JMJD1C: variants seen among roughly 807,000 people sequenced by gnomAD.
JMJD1C encodes jumonji domain containing 1C.
Under a neutral mutation model 245.3 loss-of-function variants are expected in JMJD1C, and 31 were observed. That is an observed-to-expected ratio of 0.13 (90% CI 0.09 to 0.17). The LOEUF (loss-of-function observed/expected upper bound fraction) is 0.17. Among genes scored for constraint, JMJD1C ranks in the 10% least tolerant of loss-of-function variants. The pLI, the probability that JMJD1C is intolerant of heterozygous loss-of-function variation, is 1.00. For missense variants in JMJD1C, 2,691 were observed against 3,000.2 expected (o/e 0.90, Z 2.41); for synonymous variants, 1,057 against 1,017.4 (o/e 1.04, Z -0.74).
intron 1 of JMJD1C, among the ~76,000 whole-genome samples, chr10:63,410,539 A>G (rs1237255313): frequency 6.6e-6 from 1 of 152,202 alleles, no homozygotes; most frequent in Non-Finnish European, 1.5e-5. Flanking sequence ...ATAAGAATCC[A>G]GAGACATAAT....
chr10:63,385,429 T>A (rs1027624504), intron 1 of JMJD1C, among the ~76,000 whole-genome samples: 1 of 137,310 alleles, frequency 7.3e-6, no homozygotes, highest in Non-Finnish European at 1.6e-5. Flanking sequence ...TTTTTTTTTT[T>A]TTTTTTTTTT....
At chr10:63,403,081 G>A (rs759210943) in intron 1 of JMJD1C, among the ~76,000 whole-genome samples, 36 of 152,110 alleles carry the variant, frequency 2.4e-4, no homozygotes, top group Non-Finnish European at 4.1e-4. Flanking sequence ...AAACTGAGAC[G>A]GACAGACCAC....
At chr10:63,371,541 C>T (rs943762854) in intron 2 of JMJD1C, among the ~76,000 whole-genome samples, 1 of 152,136 alleles carries the variant, frequency 6.6e-6, no homozygotes, top group Non-Finnish European at 1.5e-5. Context: ...CAGCTCCCAC[C>T]ACAGTGTCTA....
chr10:63,329,630 TCTGA>T, intron 2 of JMJD1C, among the ~76,000 whole-genome samples: 1 of 152,200 alleles, frequency 6.6e-6, no homozygotes, highest in South Asian at 2.1e-4. Context: ...ACAAATGGTC[TCTGA>T]CTTAGAATGG....
At chr10:63,251,855 T>C (rs1201269381) in intron 3 of JMJD1C, among the ~76,000 whole-genome samples, 1 of 152,086 alleles carries the variant, frequency 6.6e-6, no homozygotes, top group African/African-American at 2.4e-5. Flanking sequence ...CTACTAAAAA[T>C]ACAAAAATTA....
intron 1 of JMJD1C, among the ~76,000 whole-genome samples, chr10:63,504,914 G>T (rs370380955): frequency 6.6e-6 from 1 of 151,774 alleles, no homozygotes; most frequent in African/African-American, 2.4e-5. Context: ...CCAGCTACTC[G>T]GGAGGCTGAG....
At chr10:63,228,200 A>G (rs1849537089) in intron 3 of JMJD1C, among the ~76,000 whole-genome samples, 1 of 152,234 alleles carries the variant, frequency 6.6e-6, no homozygotes, top group East Asian at 1.9e-4. Context: ...GTTACAGCAG[A>G]AAAGTAGCTA....
At chr10:63,233,686 G>A (rs1850284831) in intron 3 of JMJD1C, among the ~76,000 whole-genome samples, 1 of 150,018 alleles carries the variant, frequency 6.7e-6, no homozygotes, top group Non-Finnish European at 1.5e-5. Flanking sequence ...TTTCCAACTA[G>A]AAAGATTTTA....
intron 1 of JMJD1C, among the ~76,000 whole-genome samples, chr10:63,448,016 A>C (rs1951815702): frequency 6.6e-6 from 1 of 152,148 alleles, no homozygotes; most frequent in African/African-American, 2.4e-5. Context: ...GTGAAAACCA[A>C]GGTTATTGCT....
intron 2 of JMJD1C, among the ~76,000 whole-genome samples, chr10:63,284,296 G>T (rs1044918359): frequency 6.6e-6 from 1 of 152,170 alleles, no homozygotes; most frequent in African/African-American, 2.4e-5. Context: ...AAAGTGCTGG[G>T]ATTACAGGAG....
intron 2 of JMJD1C, among the ~76,000 whole-genome samples, chr10:63,342,277 C>T (rs995528126): frequency 2.6e-5 from 4 of 152,166 alleles, no homozygotes; most frequent in African/African-American, 9.7e-5. Flanking sequence ...AGTGCCTATG[C>T]ATGACATGGT....
intron 1 of JMJD1C, among the ~76,000 whole-genome samples, chr10:63,511,423 A>C (rs1020863000): frequency 1.3e-5 from 2 of 152,218 alleles, no homozygotes; most frequent in Non-Finnish European, 2.9e-5. Flanking sequence ...TAGAAAATAC[A>C]GTATTTGGCT....
chr10:63,201,125 G>T (rs1276320271), intron 10 of JMJD1C, among the ~76,000 whole-genome samples: 1 of 152,150 alleles, frequency 6.6e-6, no homozygotes, highest in African/African-American at 2.4e-5. Flanking sequence ...AGAAACTACA[G>T]GTTAGTTTCA....
chr10:63,276,279 A>G lies in JMJD1C; in HGVS notation c.334-11515T>C, dbSNP rs549768540. Among the ~76,000 whole-genome samples the G allele has an allele frequency of 2.0e-5, 3 of 152,152 alleles. No homozygotes were observed. In the South Asian group the frequency reaches 6.2e-4, roughly 32 times the overall value. ...CAGGAGATCGAGACCATCCTGGCTA[A>G]AACGGTGAAACCCCGTCTCTACTAA... is the stretch of plus-strand genomic sequence containing the variant. On this transcript the variant is annotated intron_variant, in intron 2 of 25. Coordinates refer to ENST00000399262, the MANE Select transcript of JMJD1C (RefSeq NM_032776.3).
At chr10:63,292,002 G>A (rs1858797971) in intron 2 of JMJD1C, among the ~76,000 whole-genome samples, 1 of 151,910 alleles carries the variant, frequency 6.6e-6, no homozygotes, top group Admixed American at 6.6e-5. Context: ...CTAGGCTGGA[G>A]TGTCATGGCA....
intron 1 of JMJD1C, among the ~76,000 whole-genome samples, chr10:63,433,870 T>C (rs1950917556): frequency 6.7e-6 from 1 of 149,856 alleles, no homozygotes; most frequent in Non-Finnish European, 1.5e-5. Context: ...TCTGAGTCAC[T>C]GTACCTGGCC....
chr10:63,209,143 A>C lies in JMJD1C; in HGVS notation c.2787T>G (p.Ser929Arg), dbSNP rs1401018220. Residue 929 changes from serine to arginine, a missense_variant, in exon 9 of 26, where the codon AGT becomes AGG. By Grantham distance (110) the Ser-to-Arg change is moderately radical. This residue lies in a region of JMJD1C where 1,562 missense variants were observed against 1,490.7 expected (regional missense o/e 1.05). Coordinates refer to ENST00000399262, the MANE Select transcript of JMJD1C (RefSeq NM_032776.3). ...LLSHIPVRPS[S>R]AEPHRPLKIT... Reference sequence around the variant, plus strand: ...TTTTAAGAGGCCGATGAGGCTCTGCACTGGAAGGTCTGACAGGAATGTGAC... The same window carrying C: ...TTTTAAGAGGCCGATGAGGCTCTGCCCTGGAAGGTCTGACAGGAATGTGAC... 1.2e-6 allele frequency: 2 copies of C among 1,614,016 alleles called. No individual in the cohort carries two copies. Among genetic ancestry groups the C allele is most frequent in the Admixed American group, 1.7e-5 (1 of 60,012 alleles).
At chr10:63,312,364 T>C (rs1939341239) in intron 2 of JMJD1C, among the ~76,000 whole-genome samples, 1 of 152,124 alleles carries the variant, frequency 6.6e-6, no homozygotes, top group African/African-American at 2.4e-5. Context: ...CACCTTGGCC[T>C]CCCCAAGTGC....
At chr10:63,206,489 G>A in intron 10 of JMJD1C, 106 bp downstream of exon 10, 1 of 801,838 alleles carries the variant, frequency 1.2e-6, no homozygotes, top group Non-Finnish European at 1.9e-6. Context: ...GCACGCAAAT[G>A]AAGACAAAGG....
Sources: gnomAD v4.1 joint callset for allele counts (sites outside exome capture counted in the v4.1 genomes callset) on GRCh38, gnomAD v4.1.1 for gene constraint, gnomAD v4.1.1 regional missense constraint, MANE v1.5 for transcripts, NCBI Gene and HGNC (gene_info 2026-07-23, HGNC 2026-07-21) for gene names.